ADAMTS12: variants seen among roughly 807,000 people sequenced by gnomAD.
ADAMTS12 encodes the protein A disintegrin and metalloproteinase with thrombospondin motifs 12.
A neutral mutation model predicts 167.8 loss-of-function variants in ADAMTS12; 118 were observed. The ratio of observed to expected loss-of-function variants is 0.70; its 90% confidence interval spans 0.61 to 0.82. The LOEUF (loss-of-function observed/expected upper bound fraction) is 0.82, where lower values mean the gene tolerates loss of function less well. Among genes scored for constraint, ADAMTS12 ranks in the 40% least tolerant of loss-of-function variants. The pLI is 0.00. For synonymous variants in ADAMTS12, 704 were observed against 716.9 expected (o/e 0.98, Z 0.29); for missense variants, 1,916 against 1,998.8 (o/e 0.96, Z 0.79).
At chr5:33,572,992 A>G (rs1035831943) in intron 19 of ADAMTS12, among the ~76,000 whole-genome samples, 3 of 151,446 alleles carry the variant, frequency 2.0e-5, no homozygotes, top group Non-Finnish European at 2.9e-5. Flanking sequence ...GTGAACTCCC[A>G]TTCACAATTG....
chr5:33,612,886 G>A (rs894161091), intron 16 of ADAMTS12, among the ~76,000 whole-genome samples: 2 of 152,224 alleles, frequency 1.3e-5, no homozygotes, highest in Non-Finnish European at 2.9e-5. Context: ...AGTTAGCATT[G>A]TTAAATATCA....
chr5:33,612,335 A>G (rs984442938), intron 16 of ADAMTS12, among the ~76,000 whole-genome samples: 3 of 152,212 alleles, frequency 2.0e-5, no homozygotes, highest in Admixed American at 1.3e-4. Context: ...ATCTGGTGAG[A>G]ATGTCCAATT....
At chr5:33,802,015 T>G (rs1324394835) in intron 2 of ADAMTS12, among the ~76,000 whole-genome samples, 2 of 152,220 alleles carry the variant, frequency 1.3e-5, no homozygotes, top group African/African-American at 2.4e-5. Flanking sequence ...CCCTCATGAA[T>G]GAGATCAGTG....
chr5:33,706,851 T>C (rs1743219789), intron 3 of ADAMTS12, among the ~76,000 whole-genome samples: 2 of 152,206 alleles, frequency 1.3e-5, no homozygotes, highest in African/African-American at 2.4e-5. Context: ...AATATCATAC[T>C]GAATGGGCAA....
At chr5:33,803,804 A>G (rs1021917113) in intron 2 of ADAMTS12, among the ~76,000 whole-genome samples, 2 of 152,074 alleles carry the variant, frequency 1.3e-5, no homozygotes, top group Admixed American at 1.3e-4. Context: ...ATCAAATCTC[A>G]TGAGACTTAT....
At chr5:33,582,157 T>A (rs1747097001) in intron 18 of ADAMTS12, among the ~76,000 whole-genome samples, 1 of 152,130 alleles carries the variant, frequency 6.6e-6, no homozygotes, top group African/African-American at 2.4e-5. Flanking sequence ...ACCTAGATAA[T>A]TAAAACAAAT....
At chr5:33,744,208 G>T (rs954121650) in intron 3 of ADAMTS12, among the ~76,000 whole-genome samples, 1 of 152,176 alleles carries the variant, frequency 6.6e-6, no homozygotes, top group African/African-American at 2.4e-5. Context: ...ATATGATAGA[G>T]CCTGTGGTAG....
At chr5:33,745,581 G>A (rs2093009654) in intron 3 of ADAMTS12, among the ~76,000 whole-genome samples, 1 of 152,068 alleles carries the variant, frequency 6.6e-6, no homozygotes, top group Non-Finnish European at 1.5e-5. Context: ...TCCTGGAGGA[G>A]ATAAGACAAG....
chr5:33,700,072 C>T (rs1231739828), intron 3 of ADAMTS12, among the ~76,000 whole-genome samples: 1 of 152,144 alleles, frequency 6.6e-6, no homozygotes, highest in Non-Finnish European at 1.5e-5. Context: ...TGTGGAGAAA[C>T]TAGATCACTC....
rs1424370710 is a variant in ADAMTS12 at position 33,643,414 on chromosome 5, G to A, written c.1536C>T (p.Asp512=). ...CACATTGAGTTCCATCTGCAGCAGC[G>A]TCCAGCTTAGAGCGACAAAAGCCCT... ...SVKGFCRSKL[D]AAADGTQCGE... is the part of the protein sequence containing the mutation. Residue 512 remains aspartate (D), a synonymous_variant, in exon 10 of 24, where the codon GAC becomes GAT. Coordinates refer to ENST00000504830, the MANE Select transcript of ADAMTS12 (RefSeq NM_030955.4). 1.2e-5 allele frequency: 19 copies of A among 1,614,006 alleles called. No individual in the cohort carries two copies. Among genetic ancestry groups the A allele is most frequent in the East Asian group, 1.1e-4 (5 of 44,878 alleles).
intron 5 of ADAMTS12, among the ~76,000 whole-genome samples, chr5:33,674,917 A>G (rs1000133436): frequency 7.2e-5 from 11 of 152,160 alleles, no homozygotes; most frequent in Non-Finnish European, 1.6e-4. Context: ...TAGGACCTTT[A>G]AGAGGTGATT....
intron 3 of ADAMTS12, among the ~76,000 whole-genome samples, chr5:33,692,171 GC>G (rs775223613): frequency 1.3e-5 from 2 of 152,116 alleles, no homozygotes; most frequent in Non-Finnish European, 2.9e-5. Context: ...AAATTTCCCA[GC>G]CTCCCTTGCA....
At chr5:33,867,090 C>T (rs746631014) in intron 2 of ADAMTS12, among the ~76,000 whole-genome samples, 1 of 152,080 alleles carries the variant, frequency 6.6e-6, no homozygotes, top group Non-Finnish European at 1.5e-5. Context: ...ACCATTTGAT[C>T]CAGAAATCCC....
intron 19 of ADAMTS12, among the ~76,000 whole-genome samples, chr5:33,564,740 T>C (rs1335159867): frequency 6.6e-6 from 1 of 152,206 alleles, no homozygotes; most frequent in Non-Finnish European, 1.5e-5. Flanking sequence ...CATGGGACTT[T>C]TATCATTCAT....
At chr5:33,715,712 C>T (rs910398698) in intron 3 of ADAMTS12, among the ~76,000 whole-genome samples, 9 of 152,116 alleles carry the variant, frequency 5.9e-5, no homozygotes, top group Middle Eastern at 3.4e-3. Flanking sequence ...CCACAAAGAA[C>T]GCAAAACACA....
chr5:33,658,803 AACCT>A (rs1337688336), intron 6 of ADAMTS12, among the ~76,000 whole-genome samples: 3 of 152,204 alleles, frequency 2.0e-5, no homozygotes, highest in African/African-American at 4.8e-5. Context: ...TGGTCCCATC[AACCT>A]ATCCAGAGAT....
intron 2 of ADAMTS12, among the ~76,000 whole-genome samples, chr5:33,846,296 A>G (rs1748941731): frequency 6.6e-6 from 1 of 152,228 alleles, no homozygotes. Flanking sequence ...GATGTCCCAT[A>G]TGTTTGATTA....
chr5:33,587,493 C>T (rs184232497), intron 18 of ADAMTS12, among the ~76,000 whole-genome samples: 10 of 152,262 alleles, frequency 6.6e-5, no homozygotes, highest in African/African-American at 2.2e-4. Flanking sequence ...CTCACTTTCT[C>T]ACCTAGGCTG....
chr5:33,785,441 G>T (rs191155353), intron 2 of ADAMTS12, among the ~76,000 whole-genome samples: 2 of 152,226 alleles, frequency 1.3e-5, no homozygotes, highest in Middle Eastern at 3.4e-3. Context: ...TGCATTCAGA[G>T]TGTGTGTACA....
Sources: allele counts gnomAD v4.1 joint callset (sites outside exome capture counted in the v4.1 genomes callset), GRCh38; gene constraint gnomAD v4.1.1; transcripts MANE v1.5; gene names NCBI Gene and HGNC (gene_info 2026-07-23, HGNC 2026-07-21).